VAV3: variants seen among roughly 807,000 people sequenced by gnomAD.
VAV3 encodes the protein guanine nucleotide exchange factor VAV3.
In VAV3, 94 loss-of-function variants were observed where a neutral mutation model predicts 131.2. That is an observed-to-expected ratio of 0.72 (90% confidence interval 0.61 to 0.85). The LOEUF (loss-of-function observed/expected upper bound fraction) is 0.85, where lower values mean the gene tolerates loss of function less well. VAV3 is among the 40% of genes least tolerant of loss of function. The pLI, the probability that VAV3 is intolerant of heterozygous loss-of-function variation, is 0.00. For synonymous variants in VAV3, 349 were observed against 342.0 expected, an observed-to-expected ratio of 1.02 and a Z score of -0.22; for missense variants, 939 against 1,002.7, an observed-to-expected ratio of 0.94 and a Z score of 0.86.
chr1:107,821,202 C>T (rs1667777559), intron 2 of VAV3, among the ~76,000 whole-genome samples: 1 of 152,100 alleles, frequency 6.6e-6, no homozygotes, highest in South Asian at 2.1e-4. Flanking sequence ...TTTTCAGACA[C>T]CTAAGGAAAA....
At chr1:107,857,931 A>C (rs1024028018) in intron 2 of VAV3, among the ~76,000 whole-genome samples, 2 of 152,244 alleles carry the variant, frequency 1.3e-5, no homozygotes, top group African/African-American at 4.8e-5. Context: ...TACAAATGTT[A>C]TATTATTTAT....
chr1:107,916,933 G>A (rs569297741), intron 1 of VAV3, among the ~76,000 whole-genome samples: 26 of 152,152 alleles, frequency 1.7e-4, no homozygotes, highest in Non-Finnish European at 1.9e-4. Flanking sequence ...ACTGTGTGAC[G>A]CACAAGACAA....
intron 15 of VAV3, among the ~76,000 whole-genome samples, chr1:107,717,093 A>T (rs1386726855): frequency 2.0e-5 from 3 of 152,072 alleles, no homozygotes; most frequent in Non-Finnish European, 4.4e-5. Context: ...TATCCCCTTT[A>T]TCATTTTTAT....
chr1:107,695,617 T>C (rs552597242), intron 17 of VAV3, among the ~76,000 whole-genome samples: 6 of 152,256 alleles, frequency 3.9e-5, no homozygotes, highest in Admixed American at 2.0e-4. Flanking sequence ...GGAGGGGATA[T>C]GTAAGGAGAA....
At chr1:107,602,303 G>T in intron 24 of VAV3, 94 bp downstream of exon 24, 1 of 877,734 alleles carries the variant, frequency 1.1e-6, no homozygotes, top group South Asian at 1.8e-5. Flanking sequence ...ACTTTTCAGT[G>T]AGCAAAATTT....
intron 1 of VAV3, among the ~76,000 whole-genome samples, chr1:107,909,820 G>A (rs1672284709): frequency 6.6e-6 from 1 of 152,086 alleles, no homozygotes; most frequent in Non-Finnish European, 1.5e-5. Flanking sequence ...ATGGGAAGGT[G>A]AGAAAATCTT....
intron 15 of VAV3, among the ~76,000 whole-genome samples, chr1:107,713,717 C>T (rs1373326227): frequency 6.6e-6 from 1 of 152,090 alleles, no homozygotes; most frequent in Non-Finnish European, 1.5e-5. Context: ...TCTTCAACGA[C>T]ATCCTTATAA....
At chr1:107,754,997 A>T (rs1664016605) in intron 12 of VAV3, among the ~76,000 whole-genome samples, 1 of 151,870 alleles carries the variant, frequency 6.6e-6, no homozygotes, top group Admixed American at 6.6e-5. Context: ...TTTTTTTTAA[A>T]CTGTCTCCTC....
chr1:107,797,496 A>C (rs1048541476), intron 2 of VAV3, among the ~76,000 whole-genome samples: 1 of 152,222 alleles, frequency 6.6e-6, no homozygotes, highest in East Asian at 1.9e-4. Flanking sequence ...GAAGAACTAC[A>C]AACAGGTATT....
At chr1:107,671,149 C>T (rs548039500) in intron 19 of VAV3, among the ~76,000 whole-genome samples, 14 of 152,288 alleles carry the variant, frequency 9.2e-5, no homozygotes, top group African/African-American at 3.4e-4. Context: ...TAATCATGTT[C>T]ACGTCCTCTA....
At chr1:107,847,192 A>G (rs764467610) in intron 2 of VAV3, among the ~76,000 whole-genome samples, 2 of 152,194 alleles carry the variant, frequency 1.3e-5, no homozygotes, top group Non-Finnish European at 2.9e-5. Flanking sequence ...TAACGAAATT[A>G]AGGCCAAAAT....
chr1:107,608,529 G>C (rs1652475359), intron 22 of VAV3, among the ~76,000 whole-genome samples: 1 of 152,108 alleles, frequency 6.6e-6, no homozygotes, highest in Non-Finnish European at 1.5e-5. Flanking sequence ...TCTTCAATCA[G>C]GTAAAAATGA....
intron 20 of VAV3, among the ~76,000 whole-genome samples, chr1:107,623,592 C>G (rs77352406): frequency 6.6e-6 from 1 of 152,144 alleles, no homozygotes; most frequent in Non-Finnish European, 1.5e-5. Context: ...TACACATATT[C>G]TTTCATTGTT....
chr1:107,750,272 G>A (rs1176437561), intron 13 of VAV3, among the ~76,000 whole-genome samples: 2 of 152,140 alleles, frequency 1.3e-5, no homozygotes, highest in African/African-American at 2.4e-5. Flanking sequence ...TGGTATATGA[G>A]CCAAGTGTAA....
At chr1:107,659,680 G>A (rs1183281603) in intron 19 of VAV3, among the ~76,000 whole-genome samples, 1 of 152,102 alleles carries the variant, frequency 6.6e-6, no homozygotes, top group Admixed American at 6.6e-5. Flanking sequence ...TGCCTACTGA[G>A]CTTCTACTAT....
At position 107,641,191 on chromosome 1, in the gene VAV3, T is replaced by C. The variant is rs116728257; in HGVS notation, c.1914+1428A>G. Among the ~76,000 whole-genome samples, 883 of 152,246 alleles carry C rather than the reference T, an allele frequency of 5.8e-3. 9 individuals are homozygous for C. The highest frequency in any genetic ancestry group is 0.02 in the African/African-American group (849 of 41,550). On this transcript the variant is annotated intron_variant, in intron 20 of 26. Coordinates refer to ENST00000370056, the MANE Select transcript of VAV3 (RefSeq NM_006113.5). Reference sequence around the variant, plus strand: ...AAATCACTGGCTACCACAATTGAAATGGTGGTTAGAGACAAACGTTCAATC... The same window carrying C: ...AAATCACTGGCTACCACAATTGAAACGGTGGTTAGAGACAAACGTTCAATC...
At chr1:107,801,550 T>A (rs911826751) in intron 2 of VAV3, among the ~76,000 whole-genome samples, 1 of 152,118 alleles carries the variant, frequency 6.6e-6, no homozygotes, top group Admixed American at 6.5e-5. Flanking sequence ...CCTGTAACAA[T>A]AGCTGAGTGT....
intron 6 of VAV3, among the ~76,000 whole-genome samples, chr1:107,769,751 T>G (rs1016779186): frequency 9.8e-5 from 15 of 152,288 alleles, no homozygotes; most frequent in Middle Eastern, 3.4e-3. Flanking sequence ...CCCTGTAATC[T>G]TCACCATTCA....
intron 1 of VAV3, among the ~76,000 whole-genome samples, chr1:107,953,766 T>C (rs1674667502): frequency 1.3e-5 from 2 of 152,112 alleles, no homozygotes; most frequent in Admixed American, 1.3e-4. Flanking sequence ...CGACGCTTGT[T>C]TATTCAGACC....
Sources: allele counts gnomAD v4.1 joint callset (sites outside exome capture counted in the v4.1 genomes callset), GRCh38; gene constraint gnomAD v4.1.1; transcripts MANE v1.5; gene names NCBI Gene and HGNC (gene_info 2026-07-23, HGNC 2026-07-21).